The following AP4S1 variants were observed in gnomAD, a reference collection of about 807,000 sequenced individuals.
AP4S1 encodes the protein AP-4 complex subunit sigma-1.
Under a neutral mutation model 19.8 loss-of-function variants are expected in AP4S1, and 23 were observed. That is an observed-to-expected ratio of 1.16 (90% CI 0.84 to 1.65). AP4S1 has a LOEUF of 1.65. AP4S1 is among the 40% of genes most tolerant of loss of function. AP4S1 has a pLI of 0.00. For synonymous variants in AP4S1, 46 were observed against 54.1 expected, an observed-to-expected ratio of 0.85 and a Z score of 0.66; for missense variants, 166 against 172.8, an observed-to-expected ratio of 0.96 and a Z score of 0.22.
In AP4S1 at chr14:31,068,118, T is replaced by G. The variant is rs749519530; in HGVS notation, c.139-1725T>G. 6.6e-4 allele frequency among the ~76,000 whole-genome samples: 100 copies of G among 152,180 alleles called. 1 individual carries two copies. Among genetic ancestry groups the G allele is most frequent in the Non-Finnish European group, 1.2e-3 (85 of 68,028 alleles). On this transcript the variant is annotated intron_variant, in intron 2 of 5. Coordinates refer to ENST00000542754, the MANE Select transcript of AP4S1 (RefSeq NM_001128126.3). ...CCTGACCTCAGGTGAGCCACCCGCC[T>G]TGGCCTCCTAAAGTGCTGGGATTAC...
rs116251981 is a variant in AP4S1, at chr14:31,041,747, G to A, written c.-72+15960G>A. Among the ~76,000 whole-genome samples the A allele has an allele frequency of 1.9e-3, 290 of 152,310 alleles. 2 individuals are homozygous for A. The highest frequency in any genetic ancestry group is 6.6e-3 in the African/African-American group (276 of 41,568). The stretch of plus-strand genomic sequence containing the variant: ...CTTGTGTGGCTAATTTAGAACAATT[G>A]AGAATAAGATTCCCCTTGCAGGGCT... On this transcript the variant is annotated intron_variant, in intron 1 of 5. Coordinates refer to ENST00000542754, the MANE Select transcript of AP4S1 (RefSeq NM_001128126.3).
At chr14:31,066,800 A>G (rs1886741563) in intron 2 of AP4S1, among the ~76,000 whole-genome samples, 1 of 152,190 alleles carries the variant, frequency 6.6e-6, no homozygotes, top group Non-Finnish European at 1.5e-5. Context: ...GGGTGGTTTT[A>G]TTCTGCTTAT....
chr14:31,040,001 T>G (rs1289438904), intron 1 of AP4S1, among the ~76,000 whole-genome samples: 1 of 152,184 alleles, frequency 6.6e-6, no homozygotes, highest in East Asian at 1.9e-4. Flanking sequence ...CTTTGTAATG[T>G]TGAAACAAAT....
At chr14:31,075,550 C>G (rs964627971) in intron 4 of AP4S1, among the ~76,000 whole-genome samples, 1 of 152,022 alleles carries the variant, frequency 6.6e-6, no homozygotes, top group Non-Finnish European at 1.5e-5. Flanking sequence ...ACCTAATCTA[C>G]TTTCTGTGTC....
At chr14:31,035,481 A>G (rs922711144) in intron 1 of AP4S1, among the ~76,000 whole-genome samples, 10 of 151,736 alleles carry the variant, frequency 6.6e-5, no homozygotes, top group South Asian at 4.1e-4. Context: ...GTAAGCAACC[A>G]CGCCCAGCCA....
chr14:31,083,459 AG>A, intron 5 of AP4S1: 1 of 448,378 alleles, frequency 2.2e-6, no homozygotes, highest in South Asian at 1.6e-5. Flanking sequence ...AGCAGGCAGC[AG>A]AGAAGGGCAT....
At chr14:31,049,428 A>AAAAAAAATATAT (rs1384450221) in intron 1 of AP4S1, among the ~76,000 whole-genome samples, 2 of 57,744 alleles carry the variant, frequency 3.5e-5, no homozygotes, top group Non-Finnish European at 5.8e-5. Flanking sequence ...AAAAAAAAAA[A>AAAAAAAATATAT]ATATATATAT....
At chr14:31,084,578 G>T (rs1418450620) in intron 5 of AP4S1, among the ~76,000 whole-genome samples, 1 of 152,186 alleles carries the variant, frequency 6.6e-6, no homozygotes, top group Non-Finnish European at 1.5e-5. Context: ...GACCAAGCAC[G>T]TCAGTGACCT....
At chr14:31,049,135 C>T (rs576294242) in intron 1 of AP4S1, among the ~76,000 whole-genome samples, 6 of 151,284 alleles carry the variant, frequency 4.0e-5, no homozygotes, top group South Asian at 2.1e-4. Flanking sequence ...CCAGGCATGC[C>T]GGGCGTGGTG....
intron 1 of AP4S1, among the ~76,000 whole-genome samples, chr14:31,049,033 T>A (rs1286705851): frequency 6.6e-6 from 1 of 151,332 alleles, no homozygotes; most frequent in East Asian, 2.0e-4. Flanking sequence ...CAGATCACCC[T>A]AGGTCAGGAG....
chr14:31,044,020 T>G (rs1450322559), intron 1 of AP4S1, among the ~76,000 whole-genome samples: 1 of 152,202 alleles, frequency 6.6e-6, no homozygotes, highest in African/African-American at 2.4e-5. Context: ...CTTAATTGTT[T>G]AGGGTAAACA....
intron 5 of AP4S1, chr14:31,083,494 C>CTTTTTTT: frequency 3.6e-6 from 1 of 276,038 alleles, no homozygotes; most frequent in Non-Finnish European, 6.6e-6. Context: ...TCTGTTGACA[C>CTTTTTTT]TCTTTTTTTT....
chr14:31,065,700 G>T (rs1404309773), intron 1 of AP4S1, among the ~76,000 whole-genome samples: 1 of 151,780 alleles, frequency 6.6e-6, no homozygotes, highest in Admixed American at 6.6e-5. Flanking sequence ...TTGCTCTGTT[G>T]CCCAGGCTGG....
chr14:31,085,009 G>A (rs1235478130), intron 5 of AP4S1: 76 of 1,519,718 alleles, frequency 5.0e-5, no homozygotes, highest in Non-Finnish European at 6.5e-5. Context: ...AGTATTTGGT[G>A]CCTTTAAAGA....
intron 1 of AP4S1, among the ~76,000 whole-genome samples, chr14:31,037,258 C>T (rs1195304438): frequency 6.6e-6 from 1 of 151,548 alleles, no homozygotes; most frequent in East Asian, 1.9e-4. Flanking sequence ...CTTAGTTTGG[C>T]CCCACCAATT....
At chr14:31,054,722 G>A (rs1485613725) in intron 1 of AP4S1, among the ~76,000 whole-genome samples, 1 of 151,536 alleles carries the variant, frequency 6.6e-6, no homozygotes, top group East Asian at 1.9e-4. Flanking sequence ...AATAAAATTA[G>A]CAGGGCATGG....
intron 1 of AP4S1, among the ~76,000 whole-genome samples, chr14:31,040,409 C>T (rs183157150): frequency 5.9e-5 from 9 of 152,142 alleles, no homozygotes; most frequent in Non-Finnish European, 8.8e-5. Flanking sequence ...TTGTTTCTTC[C>T]TTAACACAAA....
intron 1 of AP4S1, among the ~76,000 whole-genome samples, chr14:31,047,560 T>C (rs1885487737): frequency 6.6e-6 from 1 of 151,802 alleles, no homozygotes; most frequent in Non-Finnish European, 1.5e-5. Context: ...CCTGGCTAAT[T>C]TTTTATGGTT....
chr14:31,061,941 G>A (rs12435833), intron 1 of AP4S1, among the ~76,000 whole-genome samples: 118,843 of 152,060 alleles, frequency 0.78, 46,691 homozygotes, highest in Admixed American at 0.82. Context: ...ACCACACCTG[G>A]CTGTAAAATC....
Sources: allele counts gnomAD v4.1 joint callset (sites outside exome capture counted in the v4.1 genomes callset), GRCh38; gene constraint gnomAD v4.1.1; transcripts MANE v1.5; gene names NCBI Gene and HGNC (gene_info 2026-07-23, HGNC 2026-07-21).